The following SUGCT variants were observed in gnomAD, a reference collection of about 807,000 sequenced individuals.
SUGCT encodes succinyl-CoA:glutarate CoA-transferase.
Under a neutral mutation model 55.0 loss-of-function variants are expected in SUGCT, and 41 were observed. That is an observed-to-expected ratio of 0.74 (90% CI 0.58 to 0.97). SUGCT has a LOEUF of 0.97. Among genes scored for constraint, SUGCT ranks in the 50% least tolerant of loss-of-function variants. The pLI is 0.00. For synonymous variants in SUGCT, 187 were observed against 200.4 expected (o/e 0.93, Z 0.56); for missense variants, 568 against 547.8 (o/e 1.04, Z -0.37).
chr7:40,245,417 A>ATATATATATATATATATATATATATATG (rs1789758799), intron 7 of SUGCT, among the ~76,000 whole-genome samples: 1 of 26,170 alleles, frequency 3.8e-5, no homozygotes, highest in Non-Finnish European at 6.6e-5. Flanking sequence ...ATATATATAT[A>ATATATATATATATATATATATATATATG]TATATATTTT....
chr7:40,620,657 C>A (rs1279991994), intron 12 of SUGCT, among the ~76,000 whole-genome samples: 1 of 152,138 alleles, frequency 6.6e-6, no homozygotes, highest in African/African-American at 2.4e-5. Flanking sequence ...TCCACCTGAG[C>A]CTCCCAAAGT....
chr7:40,351,023 T>C (rs1797605709), intron 9 of SUGCT, among the ~76,000 whole-genome samples: 1 of 152,178 alleles, frequency 6.6e-6, no homozygotes, highest in Non-Finnish European at 1.5e-5. Flanking sequence ...ATATTTTCTT[T>C]ATCCTGTCTA....
chr7:40,782,690 C>T (rs529227167), intron 13 of SUGCT: 4 of 151,748 alleles, frequency 2.6e-5, no homozygotes, highest in African/African-American at 9.7e-5. Flanking sequence ...GAAATATCAT[C>T]ATTCCTGTCA....
intron 9 of SUGCT, among the ~76,000 whole-genome samples, chr7:40,366,176 T>C (rs928282209): frequency 1.3e-5 from 2 of 152,160 alleles, no homozygotes; most frequent in African/African-American, 4.8e-5. Context: ...GGATTCCCTA[T>C]TTAATAAATG....
chr7:40,551,141 G>A (rs971332642), intron 12 of SUGCT, among the ~76,000 whole-genome samples: 1 of 152,074 alleles, frequency 6.6e-6, no homozygotes, highest in African/African-American at 2.4e-5. Flanking sequence ...GGTTCTCCTA[G>A]GACATCCTCC....
At chr7:40,550,754 G>A (rs955282581) in intron 12 of SUGCT, among the ~76,000 whole-genome samples, 1 of 152,162 alleles carries the variant, frequency 6.6e-6, no homozygotes, top group African/African-American at 2.4e-5. Flanking sequence ...AGCCAGAATA[G>A]CCATTGTTCT....
intron 11 of SUGCT, among the ~76,000 whole-genome samples, chr7:40,493,970 C>T (rs188075839): frequency 1.2e-3 from 188 of 152,300 alleles, no homozygotes; most frequent in Middle Eastern, 3.4e-3. Flanking sequence ...CCCACACCCA[C>T]GCAAAGACGC....
the SUGCT span, among the ~76,000 whole-genome samples, chr7:40,943,069 G>A: frequency 6.6e-6 from 1 of 151,762 alleles, no homozygotes; most frequent in Non-Finnish European, 1.5e-5. Flanking sequence ...TCTCAAAGAT[G>A]TCATCTTGGT....
At chr7:40,896,431 C>G in the SUGCT span, among the ~76,000 whole-genome samples, 170 of 152,252 alleles carry the variant, frequency 1.1e-3, no homozygotes, top group Non-Finnish European at 1.8e-3. Context: ...CCACCCAAAT[C>G]TCATCTTGAA....
At chr7:40,351,363 A>T (rs1420795831) in intron 9 of SUGCT, among the ~76,000 whole-genome samples, 1 of 152,016 alleles carries the variant, frequency 6.6e-6, no homozygotes, top group African/African-American at 2.4e-5. Flanking sequence ...TCTCTTCTGG[A>T]TGAATTTTTA....
chr7:40,358,206 T>A (rs1462472765), intron 9 of SUGCT, among the ~76,000 whole-genome samples: 1 of 152,224 alleles, frequency 6.6e-6, no homozygotes, highest in Non-Finnish European at 1.5e-5. Context: ...AAATAAATTG[T>A]TTAATCTGAG....
At chr7:40,348,954 T>C (rs574597875) in intron 9 of SUGCT, among the ~76,000 whole-genome samples, 7 of 152,328 alleles carry the variant, frequency 4.6e-5, no homozygotes, top group African/African-American at 1.7e-4. Context: ...ATAATTTGCT[T>C]CTTTCCCTAC....
chr7:40,479,100 AC>A (rs1790874226), intron 11 of SUGCT, among the ~76,000 whole-genome samples: 1 of 151,868 alleles, frequency 6.6e-6, no homozygotes, highest in African/African-American at 2.4e-5. Flanking sequence ...ATGTTTGTGC[AC>A]CTTATTTTCT....
chr7:40,321,671 C>A (rs1184357723), intron 9 of SUGCT, among the ~76,000 whole-genome samples: 2 of 152,200 alleles, frequency 1.3e-5, no homozygotes, highest in Non-Finnish European at 2.9e-5. Flanking sequence ...GCGAGAGCCA[C>A]CGTGCCCAGC....
chr7:40,967,708 C>T, the SUGCT span, among the ~76,000 whole-genome samples: 1 of 152,034 alleles, frequency 6.6e-6, no homozygotes. Flanking sequence ...GCAAGCTCCG[C>T]CTCCCGGGTT....
intron 7 of SUGCT, among the ~76,000 whole-genome samples, chr7:40,274,073 C>CTGTTTTTT (rs1792295176): frequency 1.5e-5 from 1 of 68,002 alleles, no homozygotes; most frequent in Non-Finnish European, 2.5e-5. Context: ...TTTTTACCTT[C>CTGTTTTTT]TTTTTTTTTT....
chr7:40,775,973 C>G (rs1789427418), intron 13 of SUGCT, among the ~76,000 whole-genome samples: 2 of 152,126 alleles, frequency 1.3e-5, no homozygotes, highest in Admixed American at 1.3e-4. Flanking sequence ...TATTATCTTT[C>G]AATGTCAGAT....
At chr7:40,840,448 A>C (rs1397006453) in intron 13 of SUGCT, among the ~76,000 whole-genome samples, 1 of 150,450 alleles carries the variant, frequency 6.6e-6, no homozygotes, top group Non-Finnish European at 1.5e-5. Context: ...CATACTTCTA[A>C]ATGATGCGTA....
chr7:40,970,767 G>A, the SUGCT span, among the ~76,000 whole-genome samples: 6 of 152,170 alleles, frequency 3.9e-5, no homozygotes, highest in African/African-American at 1.4e-4. Context: ...GCCTGGCTGG[G>A]TGGGAGTGGG....
Sources: gnomAD v4.1 joint callset for allele counts (sites outside exome capture counted in the v4.1 genomes callset) on GRCh38, gnomAD v4.1.1 for gene constraint, MANE v1.5 for transcripts, NCBI Gene and HGNC (gene_info 2026-07-23, HGNC 2026-07-21) for gene names.